PEBP4: variants seen among roughly 807,000 people sequenced by gnomAD.
The protein encoded by PEBP4 is phosphatidylethanolamine binding protein 4.
PEBP4 carries 22 observed loss-of-function variants against 23.9 expected under a neutral mutation model. The observed-to-expected ratio is 0.92, with a 90% confidence interval of 0.66 to 1.31. PEBP4 has a LOEUF of 1.31. Among genes scored for constraint, PEBP4 ranks in the 40% most tolerant of loss-of-function variants. The probability of loss-of-function intolerance (pLI) is 0.00; values close to 1 mark genes in which losing one functional copy is unlikely to be tolerated. For synonymous variants in PEBP4, 112 were observed against 99.3 expected (o/e 1.13, Z -0.76); for missense variants, 324 against 281.7 (o/e 1.15, Z -1.07).
rs143501476 is a variant in PEBP4, at chr8:22,833,856, G to A, written c.259-16121C>T. Among the ~76,000 whole-genome samples the A allele has an allele frequency of 4.5e-4, 68 of 152,314 alleles. No individual in the cohort carries two copies. In the East Asian group the frequency reaches 0.01, roughly 23 times the overall value. On this transcript the variant is annotated intron_variant, in intron 3 of 6. Coordinates refer to ENST00000256404, the MANE Select transcript of PEBP4 (RefSeq NM_144962.3). The stretch of plus-strand genomic sequence containing the variant: ...GAGTCTGGAGTGGGGCCCAGGTGTT[G>A]CTGTTGGTTTATAAGTTTCCCAGGT...
At position 22,821,598 on chromosome 8, in the gene PEBP4, T is replaced by C. The variant is rs1250743013; in HGVS notation, c.259-3863A>G. On this transcript the variant is annotated intron_variant, in intron 3 of 6. Transcript: ENST00000256404. ...AGACTTGGCAAATGGGCAGTGGAGA[T>C]TCATGGATTGCCTGGGGAGAATCTG... is the stretch of plus-strand genomic sequence containing the variant. 2.0e-5 allele frequency among the ~76,000 whole-genome samples: 3 copies of C among 152,064 alleles called. No individual in the cohort carries two copies. The East Asian group carries it at 5.8e-4, about 29-fold the overall frequency.
intron 4 of PEBP4, among the ~76,000 whole-genome samples, chr8:22,789,650 G>T (rs1001573757): frequency 1.3e-5 from 2 of 152,186 alleles, no homozygotes; most frequent in Non-Finnish European, 2.9e-5. Context: ...CAGCATGGGG[G>T]TCCTTTGCGA....
At position 22,920,229 on chromosome 8, in the gene PEBP4, G is replaced by C. The variant is rs1470588360; in HGVS notation, c.213C>G (p.Ile71Met). The C allele has an allele frequency of 6.2e-7, 1 of 1,613,652 alleles. No individual in the cohort carries two copies. Among genetic ancestry groups the C allele is most frequent in the Non-Finnish European group, 8.5e-7 (1 of 1,179,700 alleles). The change falls in exon 3 of 7, where the codon ATC (isoleucine) becomes ATG (methionine). Residue 71 changes from isoleucine to methionine, a missense_variant. Physicochemically the swap from Ile to Met is conservative, Grantham distance 10 (BLOSUM62 1). Transcript: ENST00000256404. ...VPDCNNYRQKITSWMEPIVKF... is the reference protein window; with the variant it reads ...VPDCNNYRQKMTSWMEPIVKF... ...TGACTATCGGCTCCATCCAGGAGGT[G>C]ATCTTCTGTCTGTAGTTGTTACAAT...
At chr8:22,770,810 A>G (rs996990554) in intron 4 of PEBP4, among the ~76,000 whole-genome samples, 1 of 152,238 alleles carries the variant, frequency 6.6e-6, no homozygotes, top group Non-Finnish European at 1.5e-5. Context: ...ACACGTATCC[A>G]CGCATCCGCT....
intron 4 of PEBP4, among the ~76,000 whole-genome samples, chr8:22,752,240 G>T (rs1173715812): frequency 1.3e-5 from 2 of 152,154 alleles, no homozygotes; most frequent in Non-Finnish European, 2.9e-5. Context: ...TTAGGCTCAG[G>T]CTTATCAGGA....
intron 2 of PEBP4, among the ~76,000 whole-genome samples, chr8:22,923,202 A>G (rs1198919810): frequency 6.6e-6 from 1 of 152,088 alleles, no homozygotes; most frequent in Non-Finnish European, 1.5e-5. Context: ...CGTTTTCCCT[A>G]GTGAGCTGTT....
At chr8:22,786,101 AT>A (rs1188151962) in intron 4 of PEBP4, among the ~76,000 whole-genome samples, 4 of 152,122 alleles carry the variant, frequency 2.6e-5, no homozygotes, top group Non-Finnish European at 5.9e-5. Context: ...CCTTCCTCCT[AT>A]CCCCTTCATC....
chr8:22,858,722 G>A (rs1016107625), intron 3 of PEBP4, among the ~76,000 whole-genome samples: 1 of 152,180 alleles, frequency 6.6e-6, no homozygotes, highest in Non-Finnish European at 1.5e-5. Context: ...CGAGGCAGGT[G>A]GATCACTTGA....
chr8:22,832,952 GACA>G (rs1202701115), intron 3 of PEBP4, among the ~76,000 whole-genome samples: 3 of 152,058 alleles, frequency 2.0e-5, no homozygotes, highest in African/African-American at 7.2e-5. Flanking sequence ...CCAGACACTG[GACA>G]ACAAGGGGCA....
intron 3 of PEBP4, among the ~76,000 whole-genome samples, chr8:22,849,830 T>G (rs951429912): frequency 1.3e-5 from 2 of 152,234 alleles, no homozygotes; most frequent in African/African-American, 2.4e-5. Flanking sequence ...GACATTCACA[T>G]GTCCATGGCT....
chr8:22,881,240 C>G (rs1485545509), intron 3 of PEBP4, among the ~76,000 whole-genome samples: 2 of 152,222 alleles, frequency 1.3e-5, no homozygotes, highest in Non-Finnish European at 2.9e-5. Context: ...TCCCTTTCTC[C>G]ATCCAGCCTA....
At chr8:22,879,047 C>T (rs1351628888) in intron 3 of PEBP4, among the ~76,000 whole-genome samples, 1 of 152,176 alleles carries the variant, frequency 6.6e-6, no homozygotes, top group African/African-American at 2.4e-5. Flanking sequence ...AAGCCCTTCC[C>T]CATGGGAAAC....
chr8:22,901,439 C>T lies in PEBP4; in HGVS notation c.258+18745G>A, dbSNP rs181822198. ...CTGCCCTCTTGGAACTACCTAGGAT[C>T]GGTCCTGCAGGGAGTGTGTTGTGTT... On this transcript the variant is annotated intron_variant, in intron 3 of 6. Transcript: ENST00000256404. 2.2e-4 allele frequency among the ~76,000 whole-genome samples: 34 copies of T among 152,270 alleles called. No homozygotes were observed. In the East Asian group the frequency reaches 2.9e-3, roughly 13 times the overall value.
At chr8:22,824,748 T>G (rs1806931298) in intron 3 of PEBP4, among the ~76,000 whole-genome samples, 1 of 152,132 alleles carries the variant, frequency 6.6e-6, no homozygotes, top group South Asian at 2.1e-4. Context: ...CATGTACAGT[T>G]CGCAATAGGG....
intron 3 of PEBP4, among the ~76,000 whole-genome samples, chr8:22,918,929 G>GCACACGTGCA (rs1554497496): frequency 1.2e-4 from 18 of 151,144 alleles, no homozygotes; most frequent in African/African-American, 4.4e-4. Context: ...GTGTGTGTGT[G>GCACACGTGCA]CACATGTGCA....
intron 3 of PEBP4, among the ~76,000 whole-genome samples, chr8:22,883,472 C>G (rs1170101864): frequency 6.6e-6 from 1 of 152,056 alleles, no homozygotes; most frequent in Non-Finnish European, 1.5e-5. Flanking sequence ...CAACCTCCCA[C>G]CCCCACATCC....
chr8:22,908,949 G>C (rs1022213239), intron 3 of PEBP4, among the ~76,000 whole-genome samples: 1 of 152,160 alleles, frequency 6.6e-6, no homozygotes, highest in African/African-American at 2.4e-5. Context: ...GGAGATACTT[G>C]CATTTTAATG....
intron 4 of PEBP4, among the ~76,000 whole-genome samples, chr8:22,758,695 T>G (rs186459587): frequency 6.6e-6 from 1 of 152,318 alleles, no homozygotes; most frequent in East Asian, 1.9e-4. Context: ...GAGAATAACA[T>G]GTACCCCATA....
rs551959482 is a variant in PEBP4, at chr8:22,915,907, T to C, written c.258+4277A>G. Among the ~76,000 whole-genome samples the C allele has an allele frequency of 1.6e-4, 25 of 152,278 alleles. No homozygotes were observed. In the South Asian group the frequency reaches 4.4e-3, roughly 27 times the overall value. ...TGGACCTGTGAGTTCCGAGCTCTCT[T>C]ATAGAGAGGAGAGTTCCAGGCCTCT... On this transcript the variant is annotated intron_variant, in intron 3 of 6. Coordinates refer to ENST00000256404, the MANE Select transcript of PEBP4 (RefSeq NM_144962.3).
Sources: allele counts gnomAD v4.1 joint callset (sites outside exome capture counted in the v4.1 genomes callset), GRCh38; gene constraint gnomAD v4.1.1; transcripts MANE v1.5; gene names NCBI Gene and HGNC (gene_info 2026-07-23, HGNC 2026-07-21).